SAMD4A: variants seen among roughly 807,000 people sequenced by gnomAD.
The protein encoded by SAMD4A is sterile alpha motif domain containing 4A, also known as protein Smaug homolog 1.
A neutral mutation model predicts 81.3 loss-of-function variants in SAMD4A; 33 were observed. That is an observed-to-expected ratio of 0.41 (90% confidence interval 0.31 to 0.54). The LOEUF (loss-of-function observed/expected upper bound fraction) is 0.54. Among genes scored for constraint, SAMD4A ranks in the 20% least tolerant of loss-of-function variants. The probability of loss-of-function intolerance (pLI) is 0.37; values close to 1 mark genes in which losing one functional copy is unlikely to be tolerated. For missense variants in SAMD4A, 854 were observed against 951.1 expected (o/e 0.90, Z 1.34); for synonymous variants, 389 against 382.1 (o/e 1.02, Z -0.21).
chr14:54,669,927 TCCCTTCTG>T lies in SAMD4A; in HGVS notation c.197-32131_197-32124del, dbSNP rs555185330. Among the ~76,000 whole-genome samples, 49 of 152,158 alleles carry T rather than the reference TCCCTTCTG, an allele frequency of 3.2e-4. 2 individuals are homozygous for T. The South Asian group carries it at 1.0e-2, about 31-fold the overall frequency. On this transcript the variant is annotated intron_variant, in intron 2 of 12. Coordinates refer to ENST00000554335, the MANE Select transcript of SAMD4A (RefSeq NM_015589.6). ...AAGTGTATGCTGCGTTTTGAGGGAT[TCCCTTCTG>T]CCCCCCCAGCCCCCTGGGGTGAAAA...
chr14:54,625,654 C>T (rs547709752), intron 2 of SAMD4A, among the ~76,000 whole-genome samples: 1 of 152,106 alleles, frequency 6.6e-6, no homozygotes, highest in Non-Finnish European at 1.5e-5. Context: ...GAGAAAGGGC[C>T]ACATAGTTAA....
intron 11 of SAMD4A, among the ~76,000 whole-genome samples, chr14:54,783,042 G>A (rs974261655): frequency 2.0e-5 from 3 of 151,964 alleles, no homozygotes; most frequent in Non-Finnish European, 2.9e-5. Context: ...GTGGCAACAC[G>A]GAGACTTCTC....
intron 2 of SAMD4A, among the ~76,000 whole-genome samples, chr14:54,700,656 T>C (rs1452121086): frequency 1.3e-5 from 2 of 152,142 alleles, no homozygotes; most frequent in Non-Finnish European, 2.9e-5. Context: ...AGTGTTGAGA[T>C]CTCCAGGTGT....
At chr14:54,730,040 T>A (rs2037521539) in intron 3 of SAMD4A, among the ~76,000 whole-genome samples, 1 of 152,186 alleles carries the variant, frequency 6.6e-6, no homozygotes, top group African/African-American at 2.4e-5. Context: ...ATACCAAAGA[T>A]TAGTGCAATA....
At chr14:54,678,231 G>T (rs2036034001) in intron 2 of SAMD4A, among the ~76,000 whole-genome samples, 1 of 152,118 alleles carries the variant, frequency 6.6e-6, no homozygotes, top group South Asian at 2.1e-4. Flanking sequence ...AGTTTAGCAA[G>T]GCCTGTTTGT....
At chr14:54,575,295 T>C (rs2033255756) in intron 2 of SAMD4A, among the ~76,000 whole-genome samples, 1 of 152,148 alleles carries the variant, frequency 6.6e-6, no homozygotes, top group Admixed American at 6.5e-5. Flanking sequence ...CTTTCTCCTG[T>C]CTCAACCCCT....
intron 2 of SAMD4A, among the ~76,000 whole-genome samples, chr14:54,640,136 C>A (rs143873118): frequency 6.6e-6 from 1 of 152,110 alleles, no homozygotes; most frequent in African/African-American, 2.4e-5. Flanking sequence ...GGCCCTCCCC[C>A]GAAGAAACAA....
At chr14:54,678,840 G>C (rs1280173696) in intron 2 of SAMD4A, among the ~76,000 whole-genome samples, 1 of 152,160 alleles carries the variant, frequency 6.6e-6, no homozygotes, top group Non-Finnish European at 1.5e-5. Context: ...GAGCCACCGC[G>C]CCCGGCCTGA....
chr14:54,681,195 A>AC (rs1594803092), intron 2 of SAMD4A, among the ~76,000 whole-genome samples: 1 of 78,044 alleles, frequency 1.3e-5, no homozygotes, highest in Non-Finnish European at 2.4e-5. Flanking sequence ...CAGCCCCCCA[A>AC]CCCCCCAACC....
chr14:54,582,224 T>TA (rs2033488279), intron 2 of SAMD4A, among the ~76,000 whole-genome samples: 1 of 152,154 alleles, frequency 6.6e-6, no homozygotes, highest in African/African-American at 2.4e-5. Context: ...TAGGAATAAT[T>TA]TGGACAAGAA....
intron 2 of SAMD4A, among the ~76,000 whole-genome samples, chr14:54,662,590 T>A (rs2035668395): frequency 6.6e-6 from 1 of 151,904 alleles, no homozygotes; most frequent in African/African-American, 2.4e-5. Flanking sequence ...TTGTATTTTT[T>A]TTTTAGTAGA....
At chr14:54,649,006 TGTGTG>T (rs1297186170) in intron 2 of SAMD4A, among the ~76,000 whole-genome samples, 3 of 152,036 alleles carry the variant, frequency 2.0e-5, no homozygotes, top group Non-Finnish European at 4.4e-5. Context: ...TTGAATGAGA[TGTGTG>T]GTGTGAGAGA....
intron 2 of SAMD4A, chr14:54,688,083 C>G: frequency 1.0e-6 from 1 of 985,508 alleles, no homozygotes; most frequent in African/African-American, 1.7e-5. Flanking sequence ...TCCATCAACT[C>G]ACAAATTTTT....
intron 2 of SAMD4A, among the ~76,000 whole-genome samples, chr14:54,657,483 A>G (rs1774948347): frequency 6.6e-6 from 1 of 152,190 alleles, no homozygotes; most frequent in Non-Finnish European, 1.5e-5. Context: ...GAGAAGTCAG[A>G]GGGTTCTCCC....
intron 2 of SAMD4A, among the ~76,000 whole-genome samples, chr14:54,602,272 T>C (rs146617814): frequency 2.4e-3 from 359 of 151,886 alleles, no homozygotes; most frequent in African/African-American, 8.1e-3. Flanking sequence ...TGCTTCCTTA[T>C]TTTCAACCCA....
At chr14:54,739,169 G>C (rs551951346) in intron 4 of SAMD4A, among the ~76,000 whole-genome samples, 1 of 147,218 alleles carries the variant, frequency 6.8e-6, no homozygotes, top group Non-Finnish European at 1.5e-5. Context: ...AAGATAACAG[G>C]TTTTTTAAGA....
chr14:54,773,524 G>A (rs920218193), intron 9 of SAMD4A, among the ~76,000 whole-genome samples: 17 of 152,192 alleles, frequency 1.1e-4, no homozygotes, highest in South Asian at 2.1e-4. Context: ...ATAACCTCCC[G>A]GACCTGAGGC....
At chr14:54,778,308 G>A (rs866334098) in intron 11 of SAMD4A, among the ~76,000 whole-genome samples, 26 of 152,188 alleles carry the variant, frequency 1.7e-4, no homozygotes, top group African/African-American at 5.8e-4. Flanking sequence ...GGAGCGCTTC[G>A]GGTTTGTTGA....
rs77690670 is a variant in SAMD4A at position 54,682,122 on chromosome 14, G to A, written c.197-19940G>A. 384 of 928,454 alleles carry A rather than the reference G, an allele frequency of 4.1e-4. 2 individuals are homozygous for A. In the African/African-American group the frequency reaches 6.5e-3, roughly 16 times the overall value. 57.5% of individuals were successfully genotyped at this position (928,454 alleles called of 1,614,324 possible). Reference sequence around the variant, plus strand: ...TCCCTGTTCTTATCCCACAATGTTTGGGGTTGTGGCCTTTAATGTTTGGGA... The same window carrying A: ...TCCCTGTTCTTATCCCACAATGTTTAGGGTTGTGGCCTTTAATGTTTGGGA... On this transcript the variant is annotated intron_variant, in intron 2 of 12. Transcript: ENST00000554335.
Sources: gnomAD v4.1 joint callset for allele counts (sites outside exome capture counted in the v4.1 genomes callset) on GRCh38, gnomAD v4.1.1 for gene constraint, MANE v1.5 for transcripts, NCBI Gene and HGNC (gene_info 2026-07-23, HGNC 2026-07-21) for gene names.